Variants in DOCK8 observed in about 807,000 individuals in gnomAD.
DOCK8 encodes the protein dedicator of cytokinesis protein 8.
Under a neutral mutation model 245.6 loss-of-function variants are expected in DOCK8, and 141 were observed. That is an observed-to-expected ratio of 0.57 (90% confidence interval 0.50 to 0.66). The LOEUF (loss-of-function observed/expected upper bound fraction) is 0.66. Ranked by LOEUF, DOCK8 falls within the 30% of genes least tolerant of loss-of-function variation. The pLI is 0.00. For synonymous variants in DOCK8, 1,168 were observed against 970.2 expected, an observed-to-expected ratio of 1.20 and a Z score of -3.79; for missense variants, 2,965 against 2,603.4, an observed-to-expected ratio of 1.14 and a Z score of -3.02.
intron 3 of DOCK8, among the ~76,000 whole-genome samples, chr9:288,638 T>C (rs2048920396): frequency 6.6e-6 from 1 of 152,204 alleles, no homozygotes; most frequent in Non-Finnish European, 1.5e-5. Flanking sequence ...TCATCAAAGC[T>C]GTCTACTAAA....
chr9:212,014 C>CA (rs538057235), upstream of DOCK8, among the ~76,000 whole-genome samples: 3 of 152,066 alleles, frequency 2.0e-5, no homozygotes, highest in Non-Finnish European at 4.4e-5. Context: ...GGGAAATAGG[C>CA]AAAACTTTAG....
chr9:248,120 A>C (rs2047551199), intron 1 of DOCK8, among the ~76,000 whole-genome samples: 1 of 152,312 alleles, frequency 6.6e-6, no homozygotes, highest in Non-Finnish European at 1.5e-5. Flanking sequence ...AGAGAGCCTC[A>C]TCTGAGGTGG....
chr9:255,701 AATAACTTTACCGTAC>A (rs371351088), intron 1 of DOCK8, among the ~76,000 whole-genome samples: 25 of 150,314 alleles, frequency 1.7e-4, no homozygotes, highest in South Asian at 6.3e-4. Flanking sequence ...AAACAGCTCA[AATAACTTTACCGTAC>A]ATAACTTTAC....
Position 418,157 on chromosome 9 carries a change from G to T in DOCK8, c.3790G>T (p.Ala1264Ser), listed in dbSNP as rs886063955. ...TAACCAGAATGTGGCTCTGGCCATA[G>T]CAGGGAATAATTTCAATTTGAAAAC... is the stretch of plus-strand genomic sequence containing the variant. ...AINQNVALAIAGNNFNLKTSG... is the reference protein window; with the variant it reads ...AINQNVALAISGNNFNLKTSG... Residue 1264 changes from alanine to serine, a missense_variant, in exon 30 of 48, where the codon GCA (alanine) becomes TCA (serine). Ala to Ser is a moderately conservative substitution (Grantham distance 99, BLOSUM62 1). Coordinates refer to ENST00000432829, the MANE Select transcript of DOCK8 (RefSeq NM_203447.4). 1 of 1,614,236 alleles carries T rather than the reference G, an allele frequency of 6.2e-7. No homozygotes were observed. The highest frequency in any genetic ancestry group is 1.1e-5 in the South Asian group (1 of 91,088).
At chr9:351,874 C>T (rs13296854) in intron 14 of DOCK8, among the ~76,000 whole-genome samples, 20,628 of 152,240 alleles carry the variant, frequency 0.14, 1,853 homozygotes, top group Non-Finnish European at 0.2. Flanking sequence ...GTGTTTGCAA[C>T]TCCCTTGTAG....
chr9:215,209 G>A, intron 1 of DOCK8, 180 bp downstream of exon 1: 1 of 1,529,186 alleles, frequency 6.5e-7, no homozygotes. Context: ...ACGCGCGGCG[G>A]CTCCTGCGCT....
intron 1 of DOCK8, among the ~76,000 whole-genome samples, chr9:262,949 G>T (rs945366511): frequency 1.3e-5 from 2 of 152,244 alleles, no homozygotes; most frequent in Non-Finnish European, 2.9e-5. Flanking sequence ...GCTCCCGCCT[G>T]TAATCCCAGC....
intron 13 of DOCK8, among the ~76,000 whole-genome samples, chr9:339,538 TG>T (rs1451496222): frequency 6.6e-6 from 1 of 152,160 alleles, no homozygotes; most frequent in Non-Finnish European, 1.5e-5. Context: ...TTTTTTGAGA[TG>T]GAGTCTTGCT....
intron 24 of DOCK8, among the ~76,000 whole-genome samples, chr9:394,696 G>C (rs1023062146): frequency 1.3e-5 from 2 of 152,212 alleles, no homozygotes; most frequent in Non-Finnish European, 1.5e-5. Flanking sequence ...AGGACATGAA[G>C]TTCCACATTA....
intron 1 of DOCK8, among the ~76,000 whole-genome samples, chr9:226,593 C>T (rs1046693163): frequency 5.9e-5 from 9 of 151,428 alleles, no homozygotes; most frequent in East Asian, 1.9e-4. Context: ...CTAGGGCTGA[C>T]GAATTAGATA....
intron 14 of DOCK8, among the ~76,000 whole-genome samples, chr9:367,022 A>G (rs1157953875): frequency 1.3e-5 from 2 of 152,166 alleles, no homozygotes; most frequent in African/African-American, 4.8e-5. Flanking sequence ...TAGTTATATG[A>G]TATGGGGTGT....
chr9:442,072 C>G, intron 42 of DOCK8, 63 bp downstream of exon 42: 1 of 1,597,274 alleles, frequency 6.3e-7, no homozygotes, highest in Non-Finnish European at 8.6e-7. Flanking sequence ...TAGAGTGGGT[C>G]ATCACCAAAA....
intron 6 of DOCK8, 108 bp downstream of exon 6, chr9:312,274 T>C (rs745466498): frequency 7.5e-7 from 1 of 1,338,574 alleles, no homozygotes; most frequent in Admixed American, 2.0e-5. Flanking sequence ...GTGTCAGGGC[T>C]CACTTGTATG....
chr9:353,157 T>C (rs113652903), intron 14 of DOCK8, among the ~76,000 whole-genome samples: 1 of 152,306 alleles, frequency 6.6e-6, no homozygotes, highest in African/African-American at 2.4e-5. Flanking sequence ...TGCAATGACA[T>C]GTAATGCAAC....
chr9:375,139 G>A (rs887553502), intron 18 of DOCK8, among the ~76,000 whole-genome samples: 8 of 152,266 alleles, frequency 5.3e-5, no homozygotes, highest in Admixed American at 2.6e-4. Flanking sequence ...CAAACAGAAC[G>A]TGTGTGTAGG....
chr9:312,307 C>A, intron 6 of DOCK8, 141 bp downstream of exon 6: 1 of 959,098 alleles, frequency 1.0e-6, no homozygotes, highest in Non-Finnish European at 1.6e-6. Context: ...TCGTTTTTCA[C>A]TCAGGCAAGC....
At chr9:277,122 T>C in intron 2 of DOCK8, 1 of 178,096 alleles carries the variant, frequency 5.6e-6, no homozygotes, top group South Asian at 8.3e-5. Context: ...TTTCTGATTG[T>C]TCAAAGTAGA....
intron 33 of DOCK8, among the ~76,000 whole-genome samples, chr9:423,349 G>A (rs964313467): frequency 9.2e-5 from 14 of 152,226 alleles, no homozygotes; most frequent in African/African-American, 2.9e-4. Flanking sequence ...TTCCGATACC[G>A]TTTAGCCACA....
intron 39 of DOCK8, among the ~76,000 whole-genome samples, chr9:437,936 A>T (rs1472261329): frequency 1.3e-5 from 2 of 152,216 alleles, no homozygotes; most frequent in Non-Finnish European, 2.9e-5. Context: ...CTGTTCCTCT[A>T]ATGTGGAAAA....
Sources: allele counts gnomAD v4.1 joint callset (sites outside exome capture counted in the v4.1 genomes callset), GRCh38; gene constraint gnomAD v4.1.1; transcripts MANE v1.5; gene names NCBI Gene and HGNC (gene_info 2026-07-23, HGNC 2026-07-21).